Variants in ESRRG observed in about 807,000 individuals in gnomAD.
The protein encoded by ESRRG is estrogen related receptor gamma, also known as estrogen-related receptor gamma.
A neutral mutation model predicts 44.0 loss-of-function variants in ESRRG; 13 were observed. The ratio of observed to expected loss-of-function variants is 0.30; its 90% confidence interval spans 0.19 to 0.47. The LOEUF (loss-of-function observed/expected upper bound fraction) is 0.47. Ranked by LOEUF, ESRRG falls within the 20% of genes least tolerant of loss-of-function variation. ESRRG has a pLI of 1.00. For missense variants in ESRRG, 395 were observed against 580.6 expected (o/e 0.68, Z 3.29); for synonymous variants, 215 against 214.6 (o/e 1.00, Z -0.02).
chr1:216,728,702 T>C (rs1477436388), intron 2 of ESRRG, among the ~76,000 whole-genome samples: 1 of 152,132 alleles, frequency 6.6e-6, no homozygotes, highest in African/African-American at 2.4e-5. Flanking sequence ...ATGTATTTTT[T>C]TCCTGACGTA....
In ESRRG at chr1:216,599,073, A is replaced by G. The variant is rs531277662; in HGVS notation, c.590-30975T>C. 4.6e-5 allele frequency among the ~76,000 whole-genome samples: 7 copies of G among 152,294 alleles called. No individual in the cohort carries two copies. In the South Asian group the frequency reaches 1.4e-3, roughly 32 times the overall value. The stretch of plus-strand genomic sequence containing the variant: ...GTAGTTAAAAAAGAAGATTATCTGA[A>G]GGAGATTGGTTGCAAATCAGATTGC... On this transcript the variant is annotated intron_variant, in intron 3 of 6. Transcript: ENST00000408911.
intron 1 of ESRRG, among the ~76,000 whole-genome samples, chr1:217,097,346 T>C (rs1017644930): frequency 6.6e-6 from 1 of 152,216 alleles, no homozygotes; most frequent in Non-Finnish European, 1.5e-5. Context: ...TACTCTTATG[T>C]GTACAGTTCT....
chr1:216,688,173 C>T (rs762011697), intron 1 of ESRRG, among the ~76,000 whole-genome samples: 19 of 152,152 alleles, frequency 1.2e-4, no homozygotes, highest in Admixed American at 2.6e-4. Flanking sequence ...TAAGAGAAAG[C>T]AGGCGAGCCT....
intron 2 of ESRRG, among the ~76,000 whole-genome samples, chr1:216,829,002 G>T (rs1302455568): frequency 6.6e-6 from 1 of 152,142 alleles, no homozygotes; most frequent in Non-Finnish European, 1.5e-5. Flanking sequence ...CCTTATTAAA[G>T]ATATGAAAAA....
intron 3 of ESRRG, among the ~76,000 whole-genome samples, chr1:216,633,966 A>C (rs994656556): frequency 2.0e-5 from 3 of 152,204 alleles, no homozygotes; most frequent in Admixed American, 6.5e-5. Context: ...GTATTGGTTA[A>C]AAGGGTAGAT....
At chr1:216,912,773 G>T (rs2060627080) in intron 2 of ESRRG, among the ~76,000 whole-genome samples, 1 of 152,004 alleles carries the variant, frequency 6.6e-6, no homozygotes, top group Admixed American at 6.6e-5. Context: ...TATACACACA[G>T]TCAGCCTTCT....
At chr1:216,521,707 G>T (rs1422056417) in intron 5 of ESRRG, among the ~76,000 whole-genome samples, 1 of 152,120 alleles carries the variant, frequency 6.6e-6, no homozygotes, top group East Asian at 1.9e-4. Flanking sequence ...AGGATGATTA[G>T]TTTATTGAGT....
chr1:216,710,972 C>G (rs920205559), intron 1 of ESRRG, among the ~76,000 whole-genome samples: 5 of 152,182 alleles, frequency 3.3e-5, no homozygotes, highest in Admixed American at 6.5e-5. Context: ...ACGATGCCCA[C>G]CCTTCTCGTT....
intron 2 of ESRRG, among the ~76,000 whole-genome samples, chr1:216,656,304 T>C (rs766783861): frequency 1.3e-5 from 2 of 152,176 alleles, no homozygotes; most frequent in Non-Finnish European, 2.9e-5. Flanking sequence ...CCCAGTTTTG[T>C]CAATAGCTAG....
chr1:216,660,414 T>C (rs1483137415), intron 2 of ESRRG, among the ~76,000 whole-genome samples: 2 of 152,214 alleles, frequency 1.3e-5, no homozygotes, highest in Non-Finnish European at 2.9e-5. Flanking sequence ...GATTAGAGAT[T>C]TAAGGCAGAG....
At chr1:217,130,893 C>CTTT (rs5780969) in intron 1 of ESRRG, among the ~76,000 whole-genome samples, 2 of 151,566 alleles carry the variant, frequency 1.3e-5, no homozygotes, top group African/African-American at 4.9e-5. Flanking sequence ...CTTTTATTGT[C>CTTT]TTTTTTTTAA....
intron 5 of ESRRG, among the ~76,000 whole-genome samples, chr1:216,532,524 G>A (rs1248008785): frequency 6.6e-6 from 1 of 152,194 alleles, no homozygotes; most frequent in African/African-American, 2.4e-5. Flanking sequence ...GACGCAGCAA[G>A]GGGTAGTGGA....
At position 216,753,175 on chromosome 1, in the gene ESRRG, T is replaced by TACAC. The variant is rs145640833; in HGVS notation, c.-13-75688_-13-75685dup. 4.5e-3 allele frequency among the ~76,000 whole-genome samples: 678 copies of TACAC among 149,012 alleles called. 5 individuals are homozygous for TACAC. The highest frequency in any genetic ancestry group is 0.014 in the African/African-American group (572 of 40,550). Reference sequence around the variant, plus strand: ...AAAGGACCATATATCTATATATTGATACACACACACACACACACACAGAGT... The same window carrying TACAC: ...AAAGGACCATATATCTATATATTGATACACACACACACACACACACACACAGAGT... On this transcript the variant is annotated intron_variant, in intron 2 of 7. Transcript: ENST00000359162.
At chr1:216,765,071 A>G (rs183935778) in intron 2 of ESRRG, among the ~76,000 whole-genome samples, 134 of 152,150 alleles carry the variant, frequency 8.8e-4, no homozygotes, top group African/African-American at 3.2e-3. Context: ...CTTCTCTCCA[A>G]TCTCCTACTG....
At chr1:216,877,217 A>G (rs1330325979) in intron 2 of ESRRG, among the ~76,000 whole-genome samples, 1 of 152,094 alleles carries the variant, frequency 6.6e-6, no homozygotes, top group Non-Finnish European at 1.5e-5. Context: ...GATAGTAATC[A>G]TCTCTAACCC....
At chr1:216,974,835 G>C (rs2072518685) in intron 1 of ESRRG, among the ~76,000 whole-genome samples, 1 of 151,172 alleles carries the variant, frequency 6.6e-6, no homozygotes, top group African/African-American at 2.4e-5. Context: ...CCCCTCGGAG[G>C]ACAGGGAGGG....
chr1:216,511,287 A>G (rs925263816), intron 6 of ESRRG, among the ~76,000 whole-genome samples: 4 of 152,130 alleles, frequency 2.6e-5, no homozygotes, highest in Non-Finnish European at 2.9e-5. Flanking sequence ...TTAAATTTCC[A>G]TATGCCATAT....
chr1:216,827,578 T>C (rs2095419003), intron 2 of ESRRG, among the ~76,000 whole-genome samples: 1 of 152,238 alleles, frequency 6.6e-6, no homozygotes, highest in African/African-American at 2.4e-5. Context: ...TCCATAATTT[T>C]TCCCTCTTCA....
At chr1:216,847,347 A>G (rs2148940076) in intron 2 of ESRRG, among the ~76,000 whole-genome samples, 1 of 152,314 alleles carries the variant, frequency 6.6e-6, no homozygotes, top group East Asian at 1.9e-4. Context: ...ATAGGGGCAG[A>G]CAACCTATTT....
Sources: allele counts gnomAD v4.1 joint callset (sites outside exome capture counted in the v4.1 genomes callset), GRCh38; gene constraint gnomAD v4.1.1; transcripts MANE v1.5; gene names NCBI Gene and HGNC (gene_info 2026-07-23, HGNC 2026-07-21).